Variants in NUBPL observed in about 807,000 individuals in gnomAD.
NUBPL encodes the protein iron-sulfur cluster transfer protein NUBPL.
A neutral mutation model predicts 45.7 loss-of-function variants in NUBPL; 31 were observed. That is an observed-to-expected ratio of 0.68 (90% CI 0.51 to 0.92). NUBPL has a LOEUF of 0.92. Ranked by LOEUF, NUBPL falls within the 40% of genes least tolerant of loss-of-function variation. The pLI is 0.00. For missense variants in NUBPL, 401 were observed against 398.7 expected, an observed-to-expected ratio of 1.01 and a Z score of -0.05; for synonymous variants, 144 against 140.9, an observed-to-expected ratio of 1.02 and a Z score of -0.15.
chr14:31,747,542 A>T (rs1214949627), intron 6 of NUBPL, among the ~76,000 whole-genome samples: 2 of 152,020 alleles, frequency 1.3e-5, no homozygotes, highest in Admixed American at 6.5e-5. Context: ...CAATCTTGGT[A>T]GGTTGTATTT....
intron 6 of NUBPL, among the ~76,000 whole-genome samples, chr14:31,715,470 C>T (rs528586543): frequency 2.6e-5 from 4 of 152,306 alleles, no homozygotes; most frequent in African/African-American, 9.6e-5. Flanking sequence ...GCCTACCACA[C>T]ACCTAGGCTC....
intron 4 of NUBPL, among the ~76,000 whole-genome samples, chr14:31,655,526 A>G (rs2036120620): frequency 6.6e-6 from 1 of 152,196 alleles, no homozygotes. Flanking sequence ...CAGCCTGGGC[A>G]ACATGGCAAA....
chr14:31,653,304 A>G (rs774190075), intron 4 of NUBPL, among the ~76,000 whole-genome samples: 1 of 152,186 alleles, frequency 6.6e-6, no homozygotes, highest in Non-Finnish European at 1.5e-5. Flanking sequence ...TCCCCACTCT[A>G]GTGAGCCTGA....
intron 6 of NUBPL, among the ~76,000 whole-genome samples, chr14:31,687,119 A>G (rs2036971549): frequency 6.6e-6 from 1 of 152,204 alleles, no homozygotes; most frequent in African/African-American, 2.4e-5. Flanking sequence ...TTTCAAAAAA[A>G]AAATTCATTG....
At chr14:31,632,485 A>T (rs1189520855) in intron 4 of NUBPL, among the ~76,000 whole-genome samples, 1 of 152,348 alleles carries the variant, frequency 6.6e-6, no homozygotes, top group African/African-American at 2.4e-5. Context: ...CTGGAGGGGC[A>T]GTTGGAAATA....
At chr14:31,595,701 C>T (rs1390793308) in intron 3 of NUBPL, among the ~76,000 whole-genome samples, 2 of 152,020 alleles carry the variant, frequency 1.3e-5, no homozygotes, top group Non-Finnish European at 2.9e-5. Flanking sequence ...AAATAGGAGC[C>T]TATTTAAAAA....
At chr14:31,749,315 T>C (rs1381116824) in intron 6 of NUBPL, among the ~76,000 whole-genome samples, 1 of 152,224 alleles carries the variant, frequency 6.6e-6, no homozygotes, top group Admixed American at 6.5e-5. Context: ...TACTTTATAC[T>C]GTTTTCATGA....
Position 31,725,100 on chromosome 14 carries a change from A to G in NUBPL, c.513+51526A>G, listed in dbSNP as rs2037892047. The stretch of plus-strand genomic sequence containing the variant: ...TTGGAAGTTTAGGGTAGTAAAAGGG[A>G]CATGATTTGGTTGTTTTAAAAGGAT... On this transcript the variant is annotated intron_variant, in intron 6 of 10. Transcript: ENST00000281081. 2.6e-5 allele frequency among the ~76,000 whole-genome samples: 4 copies of G among 152,088 alleles called. No individual in the cohort carries two copies. In the South Asian group the frequency reaches 8.3e-4, roughly 32 times the overall value.
At chr14:31,672,675 C>G (rs2139809544) in intron 4 of NUBPL, among the ~76,000 whole-genome samples, 1 of 152,244 alleles carries the variant, frequency 6.6e-6, no homozygotes, top group East Asian at 1.9e-4. Flanking sequence ...GTTGGCCAGG[C>G]TGGTCTAGAA....
At chr14:31,572,288 C>T (rs988356158) in intron 3 of NUBPL, among the ~76,000 whole-genome samples, 5 of 151,930 alleles carry the variant, frequency 3.3e-5, no homozygotes, top group Non-Finnish European at 5.9e-5. Context: ...TACAGGTACC[C>T]GCCACCACAC....
intron 6 of NUBPL, among the ~76,000 whole-genome samples, chr14:31,709,647 C>G (rs941641028): frequency 6.6e-6 from 1 of 152,202 alleles, no homozygotes; most frequent in Admixed American, 6.5e-5. Flanking sequence ...CCCTGTAGGA[C>G]ATTTATGTAC....
At chr14:31,783,312 GTACT>G (rs1006106087) in intron 6 of NUBPL, among the ~76,000 whole-genome samples, 3 of 151,914 alleles carry the variant, frequency 2.0e-5, no homozygotes, top group Non-Finnish European at 4.4e-5. Flanking sequence ...TCCTAATTCA[GTACT>G]TACTTCTCAG....
intron 6 of NUBPL, among the ~76,000 whole-genome samples, chr14:31,751,540 T>C (rs993873949): frequency 6.6e-6 from 1 of 152,254 alleles, no homozygotes; most frequent in South Asian, 2.1e-4. Flanking sequence ...ATTTAGGGCA[T>C]GCTGATGCAA....
At chr14:31,841,927 T>TTTTG (rs2040379670) in intron 8 of NUBPL, among the ~76,000 whole-genome samples, 1 of 115,764 alleles carries the variant, frequency 8.6e-6, no homozygotes, top group African/African-American at 3.5e-5. Flanking sequence ...CTTTTTTTTT[T>TTTTG]TTTTTTTTTT....
chr14:31,729,740 A>T (rs1003902077), intron 6 of NUBPL, among the ~76,000 whole-genome samples: 1 of 151,956 alleles, frequency 6.6e-6, no homozygotes, highest in African/African-American at 2.4e-5. Context: ...CCATTTTTTT[A>T]AAATGGCAAA....
At chr14:31,626,314 G>A (rs1160518562) in intron 4 of NUBPL, among the ~76,000 whole-genome samples, 1 of 151,986 alleles carries the variant, frequency 6.6e-6, no homozygotes, top group Non-Finnish European at 1.5e-5. Flanking sequence ...GCTAATTTTT[G>A]TATTTTTAGT....
At chr14:31,854,936 G>A (rs1265454303) in intron 10 of NUBPL, among the ~76,000 whole-genome samples, 1 of 152,220 alleles carries the variant, frequency 6.6e-6, no homozygotes, top group East Asian at 1.9e-4. Context: ...AGCACTTTCA[G>A]TGGTTTCTCA....
At chr14:31,732,901 C>T (rs963835446) in intron 6 of NUBPL, among the ~76,000 whole-genome samples, 1 of 152,120 alleles carries the variant, frequency 6.6e-6, no homozygotes, top group Non-Finnish European at 1.5e-5. Flanking sequence ...GTGTGCATCA[C>T]CGCGCCCGGC....
intron 4 of NUBPL, among the ~76,000 whole-genome samples, chr14:31,659,482 G>A (rs1016566313): frequency 1.3e-5 from 2 of 152,186 alleles, no homozygotes. Context: ...GGTTGCTGGA[G>A]TAACAGTATG....
Sources: allele counts gnomAD v4.1 joint callset (sites outside exome capture counted in the v4.1 genomes callset), GRCh38; gene constraint gnomAD v4.1.1; transcripts MANE v1.5; gene names NCBI Gene and HGNC (gene_info 2026-07-23, HGNC 2026-07-21).